Variants in SORCS2 observed in about 807,000 individuals in gnomAD.
The protein encoded by SORCS2 is sortilin related VPS10 domain containing receptor 2, also known as VPS10 domain-containing receptor SorCS2.
Under a neutral mutation model 141.6 loss-of-function variants are expected in SORCS2, and 100 were observed. The ratio of observed to expected loss-of-function variants is 0.71; its 90% CI spans 0.60 to 0.83. SORCS2 has a LOEUF of 0.83. Ranked by LOEUF, SORCS2 falls within the 40% of genes least tolerant of loss-of-function variation. The pLI is 0.00. For missense variants in SORCS2, 1,646 were observed against 1,560.2 expected (o/e 1.05, Z -0.93); for synonymous variants, 789 against 676.9 (o/e 1.17, Z -2.57).
At chr4:7,383,168 A>C (rs1354556780) in intron 1 of SORCS2, among the ~76,000 whole-genome samples, 1 of 152,012 alleles carries the variant, frequency 6.6e-6, no homozygotes, top group Non-Finnish European at 1.5e-5. Flanking sequence ...TTGAGAAGAT[A>C]ATTTGGTACG....
At chr4:7,582,166 T>C (rs961853404) in intron 3 of SORCS2, among the ~76,000 whole-genome samples, 1 of 152,186 alleles carries the variant, frequency 6.6e-6, no homozygotes, top group African/African-American at 2.4e-5. Context: ...AAAAGAACTT[T>C]GAAATGAAGG....
chr4:7,695,924 A>G (rs367882718), intron 11 of SORCS2, among the ~76,000 whole-genome samples: 14,705 of 46,168 alleles, frequency 0.32, 1,017 homozygotes, highest in East Asian at 0.47. Context: ...GGATGGATGG[A>G]TTGGTGGGTG....
chr4:7,356,210 C>T (rs1426006302), intron 1 of SORCS2, among the ~76,000 whole-genome samples: 1 of 152,258 alleles, frequency 6.6e-6, no homozygotes, highest in Non-Finnish European at 1.5e-5. Context: ...CTGTATTTGT[C>T]CCTGTGGCTT....
At chr4:7,421,273 G>T (rs192842990) in intron 2 of SORCS2, among the ~76,000 whole-genome samples, 2 of 152,348 alleles carry the variant, frequency 1.3e-5, no homozygotes, top group Admixed American at 6.5e-5. Flanking sequence ...TGTTCCCACA[G>T]CTTCTCCTGT....
chr4:7,557,705 G>A (rs1008130254), intron 3 of SORCS2, among the ~76,000 whole-genome samples: 1 of 152,176 alleles, frequency 6.6e-6, no homozygotes, highest in African/African-American at 2.4e-5. Context: ...CTTTGCAAAT[G>A]CCCAGGGAAA....
intron 14 of SORCS2, among the ~76,000 whole-genome samples, chr4:7,706,978 C>T (rs1725514216): frequency 9.2e-5 from 14 of 152,204 alleles, no homozygotes; most frequent in Admixed American, 8.5e-4. Context: ...CACCCCCACC[C>T]ACCCTCAACC....
At chr4:7,232,046 C>T (rs1029231402) in intron 1 of SORCS2, among the ~76,000 whole-genome samples, 1 of 152,212 alleles carries the variant, frequency 6.6e-6, no homozygotes, top group Non-Finnish European at 1.5e-5. Context: ...ATGCTGACAT[C>T]TGGGCAGCGG....
chr4:7,351,852 A>G (rs1330037045), intron 1 of SORCS2, among the ~76,000 whole-genome samples: 1 of 151,658 alleles, frequency 6.6e-6, no homozygotes, highest in African/African-American at 2.4e-5. Context: ...TACCCCACCC[A>G]TCAATCCATT....
chr4:7,385,222 A>G (rs1380939482), intron 1 of SORCS2, among the ~76,000 whole-genome samples: 1 of 152,182 alleles, frequency 6.6e-6, no homozygotes, highest in African/African-American at 2.4e-5. Flanking sequence ...TTTTGAGCCT[A>G]ATGTGATACC....
chr4:7,722,458 G>T (rs1340830182), intron 18 of SORCS2, among the ~76,000 whole-genome samples: 4 of 152,114 alleles, frequency 2.6e-5, no homozygotes, highest in Non-Finnish European at 5.9e-5. Context: ...CATGCCGGGT[G>T]GCCTGAACCC....
At chr4:7,478,354 T>C (rs1336604645) in intron 2 of SORCS2, among the ~76,000 whole-genome samples, 1 of 152,072 alleles carries the variant, frequency 6.6e-6, no homozygotes, top group Non-Finnish European at 1.5e-5. Flanking sequence ...AGGGCTTTGT[T>C]GAAATGTGCC....
intron 2 of SORCS2, among the ~76,000 whole-genome samples, chr4:7,461,536 G>A (rs1231444091): frequency 6.6e-6 from 1 of 152,220 alleles, no homozygotes; most frequent in Non-Finnish European, 1.5e-5. Flanking sequence ...TTTCATGCAC[G>A]TGACAAAATC....
At chr4:7,285,137 A>G (rs1716124638) in intron 1 of SORCS2, among the ~76,000 whole-genome samples, 2 of 151,560 alleles carry the variant, frequency 1.3e-5, no homozygotes, top group African/African-American at 4.9e-5. Context: ...GGTTCAAACG[A>G]TTCTCGTGCC....
intron 1 of SORCS2, among the ~76,000 whole-genome samples, chr4:7,373,424 GTTTGTC>G (rs376609264): frequency 2.8e-5 from 3 of 105,980 alleles, no homozygotes; most frequent in Admixed American, 1.0e-4. Context: ...ATAGTACGTT[GTTTGTC>G]TTTGTTGTAT....
chr4:7,593,669 G>A (rs1214988362), intron 3 of SORCS2, among the ~76,000 whole-genome samples: 1 of 152,146 alleles, frequency 6.6e-6, no homozygotes, highest in East Asian at 1.9e-4. Context: ...GGGGGTGGGG[G>A]CGGCCCCAGG....
At chr4:7,739,785 A>G (rs1431888815) in intron 26 of SORCS2, among the ~76,000 whole-genome samples, 2 of 151,956 alleles carry the variant, frequency 1.3e-5, no homozygotes, top group Non-Finnish European at 2.9e-5. Context: ...TGGCACTGAC[A>G]TCCCTATGCC....
intron 2 of SORCS2, among the ~76,000 whole-genome samples, chr4:7,424,479 G>A (rs1726291003): frequency 6.6e-6 from 1 of 152,202 alleles, no homozygotes; most frequent in African/African-American, 2.4e-5. Context: ...ATAAAATCCG[G>A]GTCCACACAG....
chr4:7,634,893 A>G (rs1005063341), intron 3 of SORCS2, among the ~76,000 whole-genome samples: 1 of 152,098 alleles, frequency 6.6e-6, no homozygotes, highest in African/African-American at 2.4e-5. Context: ...GCCCAGAAAA[A>G]CATCAGACAG....
At chr4:7,516,238 G>A (rs879824122) in intron 2 of SORCS2, among the ~76,000 whole-genome samples, 31 of 152,154 alleles carry the variant, frequency 2.0e-4, no homozygotes, top group Admixed American at 2.0e-4. Context: ...TGAGACAGGC[G>A]TCACAGGTCA....
Sources: allele counts gnomAD v4.1 joint callset (sites outside exome capture counted in the v4.1 genomes callset), GRCh38; gene constraint gnomAD v4.1.1; transcripts MANE v1.5; gene names NCBI Gene and HGNC (gene_info 2026-07-23, HGNC 2026-07-21).